The following VN1R2 variants were observed in gnomAD, a reference collection of about 807,000 sequenced individuals.
The protein encoded by VN1R2 is vomeronasal type-1 receptor 2.
For synonymous variants in VN1R2, 160 were observed against 173.1 expected (o/e 0.92, Z 0.59); for missense variants, 418 against 452.4 (o/e 0.92, Z 0.69).
rs1286897967 is a variant in VN1R2, at chr19:53,258,345, G to A, written c.-31G>A. 5 of 650,936 alleles carry A rather than the reference G, an allele frequency of 7.7e-6. No homozygotes were observed. The highest frequency in any genetic ancestry group is 1.8e-5 in the South Asian group (1 of 54,804). The allele number at this position is 650,936 out of a possible 1,614,324, so 40.3% of individuals were successfully genotyped here. ...GAAGGGCCCCCTGTCCAGTGGACAC[G>A]TGACCCACGTGACCTTACCTATCAT... is the stretch of plus-strand genomic sequence containing the variant. On this transcript the variant is annotated 5_prime_UTR_variant, in exon 1 of 1. In the 5' UTR this introduces an upstream ATG that the reference lacks. Transcript: ENST00000341702.
Position 53,258,697 on chromosome 19 carries a change from T to A in VN1R2, c.322T>A (p.Leu108Ile), listed in dbSNP as rs558756272. 1 of 1,612,048 alleles carries A rather than the reference T, an allele frequency of 6.2e-7. No homozygotes were observed. Among genetic ancestry groups the A allele is most frequent in the South Asian group, 1.1e-5 (1 of 91,070 alleles). Residue 108 changes from leucine (L) to isoleucine (I), a missense_variant, in exon 1 of 1, where the codon TTA becomes ATA. Transcript: ENST00000341702. ...TGGAATCCTGGGGAATTTTTCACTC[T>A]TATATTATTATATGTTCCTTTACTT... is the stretch of plus-strand genomic sequence containing the variant. ...VVGILGNFSLLYYYMFLYFRG... is the reference protein window; with the variant it reads ...VVGILGNFSLIYYYMFLYFRG...
In VN1R2 at chr19:53,259,525, A is replaced by G; in HGVS notation, c.1150A>G (p.Arg384Gly). ...CAGGCTCTGCAGTATCTGCTGCAGA[A>G]GAAATAGACGATTCTTTCATGATTT... is the stretch of plus-strand genomic sequence containing the variant. ...RSRLCSICCR[R>G]NRRFFHDFRK... Residue 384 changes from arginine to glycine, a missense_variant, in exon 1 of 1, where the codon AGA (arginine) becomes GGA (glycine). Physicochemically the swap from Arg to Gly is moderately radical, Grantham distance 125 (BLOSUM62 -2). Transcript: ENST00000341702. The G allele has an allele frequency of 1.2e-6, 2 of 1,611,292 alleles. No homozygotes were observed. Among genetic ancestry groups the G allele is most frequent in the Non-Finnish European group, 1.7e-6 (2 of 1,178,940 alleles).
In VN1R2 at chr19:53,259,128, C is replaced by T; in HGVS notation, c.753C>T (p.Ala251=). 1 of 1,614,096 alleles carries T rather than the reference C, an allele frequency of 6.2e-7. No homozygotes were observed. ...AAGGAGATTTGGGATATTGTTCTGCCCCACTTAGTGATGAAGTCACAAAGT... is the reference window on the plus strand; with the variant it reads ...AAGGAGATTTGGGATATTGTTCTGCTCCACTTAGTGATGAAGTCACAAAGT... ...TKKGDLGYCS[A]PLSDEVTKSV... is the part of the protein sequence containing the mutation. The change falls in exon 1 of 1, where the codon GCC becomes GCT. Residue 251 remains alanine, a synonymous_variant. Transcript: ENST00000341702.
chr19:53,259,566 T>G lies in VN1R2; in HGVS notation c.*3T>G, dbSNP rs2091327415. On this transcript the variant is annotated 3_prime_UTR_variant, in exon 1 of 1. Transcript: ENST00000341702. The stretch of plus-strand genomic sequence containing the variant: ...TTCATGATTTCAGGAAAATGTGAAT[T>G]GGCTGTCTTGGTTTATGTTCGGCCA... The G allele has an allele frequency of 6.2e-7, 1 of 1,604,990 alleles. No individual in the cohort carries two copies. The highest frequency in any genetic ancestry group is 8.5e-7 in the Non-Finnish European group (1 of 1,174,968).
In VN1R2 at chr19:53,258,502, G is replaced by C. The variant is rs1257821984; in HGVS notation, c.127G>C (p.Gly43Arg). The C allele has an allele frequency of 1.5e-6, 2 of 1,298,322 alleles. No individual in the cohort carries two copies. The highest frequency in any genetic ancestry group is 4.0e-5 in the Admixed American group (2 of 50,628). 80.4% of individuals were successfully genotyped at this position (1,298,322 alleles called of 1,614,324 possible). A position where few individuals can be genotyped will look rare whatever the true frequency, so the allele number is the denominator to read the frequency against. Residue 43 changes from glycine (G) to arginine (R), a missense_variant, in exon 1 of 1, where the codon GGG becomes CGG. Gly to Arg is a moderately radical substitution (Grantham distance 125, BLOSUM62 -2). Transcript: ENST00000341702. ...SNKYQCSLAF[G>R]ATTGLRVLVV... is the part of the protein sequence containing the mutation. ...TAAATATCAGTGCAGCCTGGCATTCGGGGCCACTACCGGTCTCCGCGTCTT... is the reference window on the plus strand; with the variant it reads ...TAAATATCAGTGCAGCCTGGCATTCCGGGCCACTACCGGTCTCCGCGTCTT...
At chr19:53,258,624 AC>A (rs2091322952), upstream of VN1R2, 3 of 1,605,060 alleles carry the variant, frequency 1.9e-6, no homozygotes, top group Non-Finnish European at 2.6e-6. Flanking sequence ...ACGGAGAGAA[AC>A]CCACCAAACC....
Position 53,258,534 on chromosome 19 carries a change from A to G in VN1R2, c.159A>G (p.Val53=). ...CTACCGGTCTCCGCGTCTTGGTGGT[A>G]GTGGTCCCCCAGACACAGCTGTCTT... ...GATTGLRVLV[V]VVPQTQLSFL... Residue 53 remains valine, a synonymous_variant, in exon 1 of 1, where the codon GTA becomes GTG. Coordinates refer to ENST00000341702, the MANE Select transcript of VN1R2 (RefSeq NM_173856.2). 5 of 1,521,410 alleles carry G rather than the reference A, an allele frequency of 3.3e-6. No homozygotes were observed. The highest frequency in any genetic ancestry group is 4.5e-6 in the Non-Finnish European group (5 of 1,120,766). The allele number at this position is 1,521,410 out of a possible 1,614,324, so 94.2% of individuals were successfully genotyped here.
Position 53,259,089 on chromosome 19 carries a change from C to G in VN1R2, c.714C>G (p.Asn238Lys). The change falls in exon 1 of 1, where the codon AAC becomes AAG. Residue 238 changes from asparagine (N) to lysine (K), a missense_variant. Coordinates refer to ENST00000341702, the MANE Select transcript of VN1R2 (RefSeq NM_173856.2). Reference sequence around the variant, plus strand: ...ATACAACTGGCAAATGGAGCAACAACAACATCACAAAGAAAGGAGATTTGG... The same window carrying G: ...ATACAACTGGCAAATGGAGCAACAAGAACATCACAAAGAAAGGAGATTTGG... The part of the protein sequence containing the change: ...PIYTTGKWSN[N>K]NITKKGDLGY... 1 of 1,614,164 alleles carries G rather than the reference C, an allele frequency of 6.2e-7. No homozygotes were observed.
At position 53,258,865 on chromosome 19, in the gene VN1R2, T is replaced by G; in HGVS notation, c.490T>G (p.Phe164Val). 1 of 1,614,124 alleles carries G rather than the reference T, an allele frequency of 6.2e-7. No homozygotes were observed. Among genetic ancestry groups the G allele is most frequent in the Non-Finnish European group, 8.5e-7 (1 of 1,180,032 alleles). ...TTTTGACAATTATTTTGGATGCAAA[T>G]TTCTTTTGTATGCACACAGGGTAGG... Reference protein sequence around the residue: ...KHFDNYFGCKFLLYAHRVGRG... With the variant: ...KHFDNYFGCKVLLYAHRVGRG... Residue 164 changes from phenylalanine (F) to valine (V), a missense_variant, in exon 1 of 1, where the codon TTT becomes GTT. Phe to Val is a conservative substitution (Grantham distance 50, BLOSUM62 -1). Transcript: ENST00000341702.
chr19:53,259,127 C>T lies in VN1R2; in HGVS notation c.752C>T (p.Ala251Val). The T allele has an allele frequency of 6.2e-7, 1 of 1,614,150 alleles. No homozygotes were observed. Among genetic ancestry groups the T allele is most frequent in the Non-Finnish European group, 8.5e-7 (1 of 1,180,012 alleles). The change falls in exon 1 of 1, where the codon GCC becomes GTC. Residue 251 changes from alanine to valine, a missense_variant. Transcript: ENST00000341702. ...AAAGGAGATTTGGGATATTGTTCTG[C>T]CCCACTTAGTGATGAAGTCACAAAG... ...TKKGDLGYCS[A>V]PLSDEVTKSV... is the part of the protein sequence containing the mutation.
At position 53,259,053 on chromosome 19, in the gene VN1R2, T is replaced by G. The variant is rs1212581608; in HGVS notation, c.678T>G (p.Ile226Met). 6.2e-7 allele frequency: 1 copy of G among 1,614,186 alleles called. No individual in the cohort carries two copies. Among genetic ancestry groups the G allele is most frequent in the African/African-American group, 1.3e-5 (1 of 75,044 alleles). ...CCTTCCACATGCTGGTAAATGCCAT[T>G]TTTCCTATTTATACAACTGGCAAAT... ...CWAFHMLVNA[I>M]FPIYTTGKWS... The change falls in exon 1 of 1, where the codon ATT (isoleucine) becomes ATG (methionine). Residue 226 changes from isoleucine (I) to methionine (M), a missense_variant. Transcript: ENST00000341702.
chr19:53,259,501 AGGCT>A, intron 1 of VN1R2: 2 of 1,614,136 alleles, frequency 1.2e-6, no homozygotes, highest in Non-Finnish European at 1.7e-6. Flanking sequence ...CAGCAGATCC[AGGCT>A]CTGCAGTATC....
At position 53,258,388 on chromosome 19, in the gene VN1R2, C is replaced by A; in HGVS notation, c.13C>A (p.Leu5Ile). MTHT[L>I]YPTPFALYPI... Reference sequence around the variant, plus strand: ...CCTATCATTGGAGATGACTCACACTCTTTACCCTACCCCTTTTGCTTTGTA... The same window carrying A: ...CCTATCATTGGAGATGACTCACACTATTTACCCTACCCCTTTTGCTTTGTA... The change falls in exon 1 of 1, where the codon CTT (leucine) becomes ATT (isoleucine). Residue 5 changes from leucine (L) to isoleucine (I), a missense_variant. Coordinates refer to ENST00000341702, the MANE Select transcript of VN1R2 (RefSeq NM_173856.2). The A allele has an allele frequency of 1.4e-6, 1 of 710,420 alleles. No homozygotes were observed. Among genetic ancestry groups the A allele is most frequent in the Non-Finnish European group, 2.6e-6 (1 of 384,908 alleles). 44.0% of individuals were successfully genotyped at this position (710,420 alleles called of 1,614,324 possible). A position where few individuals can be genotyped will look rare whatever the true frequency, so the allele number is the denominator to read the frequency against.
Position 53,258,915 on chromosome 19 carries a change from C to G in VN1R2, c.540C>G (p.Thr180=), listed in dbSNP as rs759346113. The change falls in exon 1 of 1, where the codon ACC becomes ACG. Residue 180 remains threonine, a synonymous_variant. Transcript: ENST00000341702. ...RVGRGVSIGS[T]CLLSVFQVIT... ...GCAGGGGTGTGTCCATTGGAAGCAC[C>G]TGCCTCTTGAGTGTCTTCCAGGTGA... The G allele has an allele frequency of 4.3e-6, 7 of 1,614,000 alleles. No individual in the cohort carries two copies. The highest frequency in any genetic ancestry group is 1.7e-5 in the Admixed American group (1 of 59,984).
rs1026156474 is a variant in VN1R2, at chr19:53,258,351, C to G, written c.-25C>G. 13 of 662,874 alleles carry G rather than the reference C, an allele frequency of 2.0e-5. No individual in the cohort carries two copies. Among genetic ancestry groups the G allele is most frequent in the Non-Finnish European group, 3.3e-5 (12 of 360,314 alleles). The allele number at this position is 662,874 out of a possible 1,614,324, so 41.1% of individuals were successfully genotyped here. A position where few individuals can be genotyped will look rare whatever the true frequency, so the allele number is the denominator to read the frequency against. ...CCCCCTGTCCAGTGGACACGTGACC[C>G]ACGTGACCTTACCTATCATTGGAGA... On this transcript the variant is annotated 5_prime_UTR_variant, in exon 1 of 1. Transcript: ENST00000341702.
chr19:53,258,297 C>T lies in VN1R2; in HGVS notation c.-79C>T. On this transcript the variant is annotated 5_prime_UTR_variant, in exon 1 of 1. Transcript: ENST00000341702. ...TGTCTCTCTCTCTCCCTCTCTCTCT[C>T]TCTGCCTTGGCTGCCAGGCAGGGAA... The T allele has an allele frequency of 1.6e-6, 1 of 609,326 alleles. No homozygotes were observed. The highest frequency in any genetic ancestry group is 2.0e-5 in the South Asian group (1 of 48,890). The allele number at this position is 609,326 out of a possible 1,614,324, so 37.7% of individuals were successfully genotyped here. A position where few individuals can be genotyped will look rare whatever the true frequency, so the allele number is the denominator to read the frequency against.
At position 53,259,333 on chromosome 19, in the gene VN1R2, T is replaced by C. The variant is rs760507563; in HGVS notation, c.958T>C (p.Leu320=). The C allele has an allele frequency of 8.1e-6, 13 of 1,614,100 alleles. No individual in the cohort carries two copies. The African/African-American group carries it at 1.3e-4, about 17-fold the overall frequency. ...GNRAIQSILA[L]VSTFALCYAL... ...CAGAGCCATCCAAAGCATCCTTGCA[T>C]TGGTGAGCACCTTTGCATTATGTTA... is the stretch of plus-strand genomic sequence containing the variant. The change falls in exon 1 of 1, where the codon TTG becomes CTG. Residue 320 remains leucine, a synonymous_variant. Coordinates refer to ENST00000341702, the MANE Select transcript of VN1R2 (RefSeq NM_173856.2).
chr19:53,258,732 C>G, upstream of VN1R2: 1 of 1,613,818 alleles, frequency 6.2e-7, no homozygotes, highest in Non-Finnish European at 8.5e-7. Context: ...TTAGGGGATA[C>G]AAGCCAAGAT....
chr19:53,258,963 C>G lies in VN1R2; in HGVS notation c.588C>G (p.Ser196=). The stretch of plus-strand genomic sequence containing the variant: ...TGATCACCATCAACCCTAGGAACTC[C>G]AGGTGGGCAGAGATGAAAGTAAAAG... ...FQVITINPRN[S]RWAEMKVKAP... The change falls in exon 1 of 1, where the codon TCC becomes TCG. Residue 196 remains serine, a synonymous_variant. Transcript: ENST00000341702. The G allele has an allele frequency of 6.2e-7, 1 of 1,614,174 alleles. No homozygotes were observed. Among genetic ancestry groups the G allele is most frequent in the Non-Finnish European group, 8.5e-7 (1 of 1,180,032 alleles).
Sources: allele counts gnomAD v4.1 joint callset, GRCh38; gene constraint gnomAD v4.1.1; transcripts MANE v1.5; gene names NCBI Gene and HGNC (gene_info 2026-07-23, HGNC 2026-07-21).